GALNT10: variants seen among roughly 807,000 people sequenced by gnomAD.
GALNT10 encodes GalNAc transferase 10.
Under a neutral mutation model 75.0 loss-of-function variants are expected in GALNT10, and 41 were observed. That is an observed-to-expected ratio of 0.55 (90% CI 0.43 to 0.71). The LOEUF is 0.71. GALNT10 is among the 30% of genes least tolerant of loss of function. GALNT10 has a pLI of 0.00. For synonymous variants in GALNT10, 302 were observed against 313.0 expected (o/e 0.96, Z 0.37); for missense variants, 727 against 818.5 (o/e 0.89, Z 1.36).
intron 4 of GALNT10, among the ~76,000 whole-genome samples, chr5:154,359,830 AC>A (rs984591866): frequency 6.6e-6 from 1 of 151,010 alleles, no homozygotes; most frequent in Non-Finnish European, 1.5e-5. Context: ...TTCTCACTCT[AC>A]CCCATCTTCC....
intron 3 of GALNT10, among the ~76,000 whole-genome samples, chr5:154,312,398 G>A (rs1754535515): frequency 6.6e-6 from 1 of 152,152 alleles, no homozygotes; most frequent in Non-Finnish European, 1.5e-5. Flanking sequence ...GTCTGCCTGG[G>A]TAATGAATTG....
chr5:154,318,424 A>G (rs1392809724), intron 3 of GALNT10, among the ~76,000 whole-genome samples: 2 of 140,974 alleles, frequency 1.4e-5, no homozygotes, highest in Non-Finnish European at 3.1e-5. Context: ...AGGATTGATA[A>G]ATTATCCCTA....
chr5:154,339,592 C>T (rs1400259628), intron 4 of GALNT10, among the ~76,000 whole-genome samples: 3 of 151,306 alleles, frequency 2.0e-5, no homozygotes, highest in Non-Finnish European at 4.4e-5. Flanking sequence ...TCAAATAAAT[C>T]GCTCAGATTG....
At chr5:154,347,928 A>C (rs1755153103) in intron 4 of GALNT10, among the ~76,000 whole-genome samples, 1 of 152,220 alleles carries the variant, frequency 6.6e-6, no homozygotes, top group Non-Finnish European at 1.5e-5. Context: ...TTTAAATTTA[A>C]ATAGATCCTA....
chr5:154,231,872 C>T (rs1214775869), intron 1 of GALNT10, among the ~76,000 whole-genome samples: 2 of 152,160 alleles, frequency 1.3e-5, no homozygotes, highest in Non-Finnish European at 2.9e-5. Context: ...ATCCAGAAAC[C>T]CAGGTTTTGG....
chr5:154,379,383 A>G (rs1300479723), intron 5 of GALNT10, among the ~76,000 whole-genome samples: 1 of 152,232 alleles, frequency 6.6e-6, no homozygotes, highest in East Asian at 1.9e-4. Context: ...AAAAGCAAAA[A>G]TGCTGTTTTC....
chr5:154,359,616 C>A (rs1433129162), intron 4 of GALNT10, among the ~76,000 whole-genome samples: 1 of 151,636 alleles, frequency 6.6e-6, no homozygotes, highest in Non-Finnish European at 1.5e-5. Context: ...ATCCTTTCCC[C>A]ATCACCCTAC....
In GALNT10 at chr5:154,380,473, C is replaced by T; in HGVS notation, c.780C>T (p.Thr260=). The T allele has an allele frequency of 6.2e-7, 1 of 1,614,066 alleles. No homozygotes were observed. The highest frequency in any genetic ancestry group is 8.5e-7 in the Non-Finnish European group (1 of 1,179,952). ...ACCGCATTGCTCGGAACCGCAAGAC[C>T]ATTGTGTGCCCGATGATTGATGTAA... is the stretch of plus-strand genomic sequence containing the variant. ...LLDRIARNRK[T]IVCPMIDVID... is the part of the protein sequence containing the mutation. The change falls in exon 6 of 12, where the codon ACC becomes ACT. Residue 260 remains threonine (T), a synonymous_variant. Coordinates refer to ENST00000297107, the MANE Select transcript of GALNT10 (RefSeq NM_198321.4).
At chr5:154,263,960 A>G (rs1025296180) in intron 1 of GALNT10, among the ~76,000 whole-genome samples, 2 of 152,198 alleles carry the variant, frequency 1.3e-5, no homozygotes, top group African/African-American at 4.8e-5. Context: ...TAAGAATACT[A>G]AAAAACACTG....
intron 1 of GALNT10, among the ~76,000 whole-genome samples, chr5:154,241,370 T>TAGAA (rs1264726803): frequency 1.3e-5 from 2 of 152,188 alleles, no homozygotes; most frequent in African/African-American, 4.8e-5. Flanking sequence ...AATCTCATTA[T>TAGAA]AGAAAGTTCA....
chr5:154,268,205 C>T (rs1199827051), intron 1 of GALNT10, among the ~76,000 whole-genome samples: 6 of 152,170 alleles, frequency 3.9e-5, no homozygotes, highest in Non-Finnish European at 1.5e-5. Context: ...GGGAGCAAGT[C>T]CCTACCCGTG....
intron 1 of GALNT10, among the ~76,000 whole-genome samples, chr5:154,201,143 G>A (rs2113641972): frequency 6.6e-6 from 1 of 152,136 alleles, no homozygotes; most frequent in South Asian, 2.1e-4. Flanking sequence ...CTCAAACCTG[G>A]GCACTTCACC....
intron 1 of GALNT10, among the ~76,000 whole-genome samples, chr5:154,284,338 T>G (rs1561649861): frequency 6.6e-6 from 1 of 152,238 alleles, no homozygotes; most frequent in African/African-American, 2.4e-5. Flanking sequence ...CTTCTTCACT[T>G]TGGTCTGCTG....
intron 4 of GALNT10, chr5:154,337,743 C>G: frequency 8.1e-7 from 1 of 1,229,160 alleles, no homozygotes; most frequent in Admixed American, 1.7e-5. Flanking sequence ...ATGGCTGCCA[C>G]CAAAGCCACC....
At chr5:154,225,253 C>A (rs186702726) in intron 1 of GALNT10, among the ~76,000 whole-genome samples, 2 of 151,014 alleles carry the variant, frequency 1.3e-5, no homozygotes, top group Non-Finnish European at 3.0e-5. Flanking sequence ...CCACCATGCC[C>A]GGCTAATTTT....
chr5:154,305,186 C>G (rs530551973), intron 3 of GALNT10, among the ~76,000 whole-genome samples: 1 of 151,994 alleles, frequency 6.6e-6, no homozygotes, highest in African/African-American at 2.4e-5. Context: ...GTCCCAGCTA[C>G]TTGGGAGGCT....
At chr5:154,368,166 A>C (rs193115702) in intron 4 of GALNT10, among the ~76,000 whole-genome samples, 172 of 152,316 alleles carry the variant, frequency 1.1e-3, no homozygotes, top group Admixed American at 2.6e-3. Flanking sequence ...TTTCTACTAA[A>C]TTCCCAAATA....
intron 1 of GALNT10, among the ~76,000 whole-genome samples, chr5:154,277,808 C>T (rs1025704941): frequency 3.2e-4 from 48 of 152,286 alleles, no homozygotes; most frequent in African/African-American, 9.9e-4. Context: ...ACACCCAGCC[C>T]CGGTGCTCCT....
chr5:154,286,264 G>C (rs1280874419), intron 1 of GALNT10, among the ~76,000 whole-genome samples: 1 of 152,144 alleles, frequency 6.6e-6, no homozygotes, highest in Non-Finnish European at 1.5e-5. Flanking sequence ...GGCTTGATTT[G>C]TGCTTGTGTT....
Sources: gnomAD v4.1 joint callset for allele counts (sites outside exome capture counted in the v4.1 genomes callset) on GRCh38, gnomAD v4.1.1 for gene constraint, MANE v1.5 for transcripts, NCBI Gene and HGNC (gene_info 2026-07-23, HGNC 2026-07-21) for gene names.